STK32B: variants seen among roughly 807,000 people sequenced by gnomAD.
STK32B encodes serine/threonine-protein kinase 32B.
Under a neutral mutation model 52.6 loss-of-function variants are expected in STK32B, and 43 were observed. The observed-to-expected ratio is 0.82, with a 90% confidence interval of 0.64 to 1.05. The LOEUF is 1.05. Ranked by LOEUF, STK32B falls within the 50% of genes least tolerant of loss-of-function variation. The pLI is 0.00. For synonymous variants in STK32B, 238 were observed against 204.3 expected, an observed-to-expected ratio of 1.17 and a Z score of -1.41; for missense variants, 621 against 534.6, an observed-to-expected ratio of 1.16 and a Z score of -1.59.
At chr4:5,076,037 TCTCATGGCAATGGCAG>T (rs1320027880) in intron 1 of STK32B, among the ~76,000 whole-genome samples, 2 of 152,184 alleles carry the variant, frequency 1.3e-5, no homozygotes, top group East Asian at 1.9e-4. Context: ...ACTAAGTCCT[TCTCATGGCAATGGCAG>T]AAGTGCTAAG....
At chr4:5,401,158 T>A (rs989836952) in intron 5 of STK32B, among the ~76,000 whole-genome samples, 1 of 152,200 alleles carries the variant, frequency 6.6e-6, no homozygotes, top group Non-Finnish European at 1.5e-5. Flanking sequence ...AAATTAATCT[T>A]ATGCCTTCAA....
At chr4:5,261,822 C>T (rs1376664759) in intron 3 of STK32B, among the ~76,000 whole-genome samples, 3 of 152,094 alleles carry the variant, frequency 2.0e-5, no homozygotes, top group South Asian at 2.1e-4. Flanking sequence ...ATCAAGGCCC[C>T]GGTACCAGAT....
intron 6 of STK32B, among the ~76,000 whole-genome samples, chr4:5,438,873 A>C (rs1577498423): frequency 6.6e-6 from 1 of 151,566 alleles, no homozygotes; most frequent in Non-Finnish European, 1.5e-5. Flanking sequence ...TGTTCTTGGG[A>C]TAATTTACTG....
chr4:5,119,107 A>G (rs1259279298), intron 1 of STK32B, among the ~76,000 whole-genome samples: 1 of 152,192 alleles, frequency 6.6e-6, no homozygotes, highest in Non-Finnish European at 1.5e-5. Context: ...GGGTAAGGTT[A>G]TTGTGTCCCC....
At chr4:5,229,396 A>T (rs777476952) in intron 3 of STK32B, among the ~76,000 whole-genome samples, 5 of 152,178 alleles carry the variant, frequency 3.3e-5, no homozygotes, top group African/African-American at 1.2e-4. Context: ...TACCTCTTAA[A>T]TCTGTATACA....
Position 5,374,779 on chromosome 4 carries a change from CG to C in STK32B, c.435-23420del, listed in dbSNP as rs569937512. On this transcript the variant is annotated intron_variant, in intron 4 of 11. Transcript: ENST00000282908. ...TTCAACATATGAATATTGACGGGGG[CG>C]GGGGGGGAACACCAACGTTCAAACC... Among the ~76,000 whole-genome samples the C allele has an allele frequency of 9.0e-3, 1,231 of 136,236 alleles. 35 individuals are homozygous for C. Among genetic ancestry groups the C allele is most frequent in the African/African-American group, 0.033 (1,166 of 35,328 alleles). 89.4% of individuals were successfully genotyped at this position (136,236 alleles called of 152,430 possible). A position where few individuals can be genotyped will look rare whatever the true frequency, so the allele number is the denominator to read the frequency against.
At chr4:5,103,622 T>C (rs1215486231) in intron 1 of STK32B, among the ~76,000 whole-genome samples, 1 of 152,194 alleles carries the variant, frequency 6.6e-6, no homozygotes, top group Non-Finnish European at 1.5e-5. Context: ...GTAGGTACTC[T>C]AAATACACGC....
intron 4 of STK32B, among the ~76,000 whole-genome samples, chr4:5,397,531 G>T (rs1736997266): frequency 6.6e-6 from 1 of 152,200 alleles, no homozygotes; most frequent in Non-Finnish European, 1.5e-5. Flanking sequence ...TCCCATGTGG[G>T]TCACTATGTT....
rs755414078 is a variant in STK32B at position 5,168,383 on chromosome 4, G to A, written c.193G>A (p.Val65Ile). 4 of 1,613,820 alleles carry A rather than the reference G, an allele frequency of 2.5e-6. No homozygotes were observed. Residue 65 changes from valine to isoleucine, a missense_variant, in exon 3 of 12, where the codon GTT becomes ATT. Coordinates refer to ENST00000282908, the MANE Select transcript of STK32B (RefSeq NM_018401.3). ...GCAGAAGTGCATCGAGAGGGATGAGGTTCGGAATGTTTTCCGGGAGCTGCA... is the reference window on the plus strand; with the variant it reads ...GCAGAAGTGCATCGAGAGGGATGAGATTCGGAATGTTTTCCGGGAGCTGCA... ...NKQKCIERDE[V>I]RNVFRELQIM...
At chr4:5,169,154 C>T (rs921279757) in intron 3 of STK32B, among the ~76,000 whole-genome samples, 1 of 152,172 alleles carries the variant, frequency 6.6e-6, no homozygotes, top group African/African-American at 2.4e-5. Flanking sequence ...CAGCTGAGTG[C>T]CCCTCGCGAC....
intron 5 of STK32B, among the ~76,000 whole-genome samples, chr4:5,405,552 G>C (rs1360318537): frequency 6.6e-6 from 1 of 152,116 alleles, no homozygotes; most frequent in African/African-American, 2.4e-5. Context: ...AATTTATGAA[G>C]AAAAGAGGTT....
intron 3 of STK32B, among the ~76,000 whole-genome samples, chr4:5,266,186 A>C (rs1486266828): frequency 6.6e-6 from 1 of 152,218 alleles, no homozygotes; most frequent in East Asian, 1.9e-4. Flanking sequence ...CAATAATAAT[A>C]ACAACAGCAT....
intron 6 of STK32B, chr4:5,435,650 G>C (rs1713999514): frequency 6.6e-6 from 1 of 152,212 alleles, no homozygotes; most frequent in Non-Finnish European, 1.5e-5. Context: ...TATTATGACT[G>C]TTTATTTATT....
intron 3 of STK32B, among the ~76,000 whole-genome samples, chr4:5,225,097 A>C (rs1239161197): frequency 1.3e-5 from 2 of 152,182 alleles, no homozygotes; most frequent in East Asian, 1.9e-4. Flanking sequence ...TTTTTGTAGA[A>C]TATATCTACC....
At chr4:5,439,946 G>T (rs754095813) in intron 6 of STK32B, among the ~76,000 whole-genome samples, 1 of 152,112 alleles carries the variant, frequency 6.6e-6, no homozygotes, top group African/African-American at 2.4e-5. Context: ...GGGCTCTGTT[G>T]TGTTCCATTG....
chr4:5,102,997 C>A (rs1055556795), intron 1 of STK32B, among the ~76,000 whole-genome samples: 5 of 145,946 alleles, frequency 3.4e-5, no homozygotes, highest in African/African-American at 1.3e-4. Context: ...CACCAGCATC[C>A]ATGTACTGGC....
intron 11 of STK32B, among the ~76,000 whole-genome samples, chr4:5,494,043 A>C (rs1434594552): frequency 3.9e-5 from 6 of 152,230 alleles, no homozygotes; most frequent in Non-Finnish European, 8.8e-5. Context: ...TGCTGAAAAA[A>C]ATGTATATTC....
the STK32B span, among the ~76,000 whole-genome samples, chr4:5,026,742 C>T: frequency 1.3e-5 from 2 of 152,166 alleles, no homozygotes; most frequent in Admixed American, 1.3e-4. Context: ...ACCTCTCCTG[C>T]CTGCTCCCTG....
chr4:5,388,229 A>C (rs1255761259), intron 4 of STK32B, among the ~76,000 whole-genome samples: 1 of 152,208 alleles, frequency 6.6e-6, no homozygotes, highest in East Asian at 1.9e-4. Flanking sequence ...AATGGTCATC[A>C]TCATTTTGGC....
Sources: gnomAD v4.1 joint callset for allele counts (sites outside exome capture counted in the v4.1 genomes callset) on GRCh38, gnomAD v4.1.1 for gene constraint, MANE v1.5 for transcripts, NCBI Gene and HGNC (gene_info 2026-07-23, HGNC 2026-07-21) for gene names.